The following ABCC1 variants were observed in gnomAD, a reference collection of about 807,000 sequenced individuals.
The protein encoded by ABCC1 is multidrug resistance-associated protein 1.
ABCC1 carries 83 observed loss-of-function variants against 172.9 expected under a neutral mutation model. The observed-to-expected ratio is 0.48, with a 90% CI of 0.40 to 0.58. The LOEUF is 0.58. Among genes scored for constraint, ABCC1 ranks in the 20% least tolerant of loss-of-function variants. The probability of loss-of-function intolerance (pLI) is 0.00; values close to 1 mark genes in which losing one functional copy is unlikely to be tolerated. For synonymous variants in ABCC1, 937 were observed against 825.2 expected (o/e 1.14, Z -2.32); for missense variants, 1,817 against 2,002.7 (o/e 0.91, Z 1.77).
At chr16:16,029,088 C>G (rs993858616) in intron 5 of ABCC1, among the ~76,000 whole-genome samples, 6 of 152,290 alleles carry the variant, frequency 3.9e-5, no homozygotes, top group East Asian at 1.9e-4. Flanking sequence ...ATCACCCCTC[C>G]GAGCCCCAGA....
chr16:16,046,254 T>C (rs955304880), intron 9 of ABCC1, among the ~76,000 whole-genome samples: 1 of 152,194 alleles, frequency 6.6e-6, no homozygotes, highest in African/African-American at 2.4e-5. Flanking sequence ...ATTGAGTTTC[T>C]TAGATGGATC....
chr16:16,057,993 G>A (rs982925642), intron 12 of ABCC1, among the ~76,000 whole-genome samples: 5 of 152,044 alleles, frequency 3.3e-5, no homozygotes, highest in African/African-American at 9.7e-5. Context: ...GATGCGCCCT[G>A]CTGGAATTAC....
intron 19 of ABCC1, among the ~76,000 whole-genome samples, chr16:16,099,755 A>G (rs2051642161): frequency 6.6e-6 from 1 of 152,140 alleles, no homozygotes; most frequent in Non-Finnish European, 1.5e-5. Flanking sequence ...AGGCCCACCA[A>G]GGCTGTAGGA....
intron 1 of ABCC1, among the ~76,000 whole-genome samples, chr16:15,988,513 G>A (rs544368222): frequency 6.6e-6 from 1 of 152,276 alleles, no homozygotes; most frequent in South Asian, 2.1e-4. Context: ...CATGACTAAG[G>A]GATTTATTTG....
chr16:16,111,501 A>G lies in ABCC1; in HGVS notation c.2998A>G (p.Thr1000Ala). 1 of 1,614,136 alleles carries G rather than the reference A, an allele frequency of 6.2e-7. No homozygotes were observed. The highest frequency in any genetic ancestry group is 8.5e-7 in the Non-Finnish European group (1 of 1,180,016). ...TTCCAACTATTGGCTCAGCCTCTGGACTGATGACCCCATCGTCAACGGGAC... is the reference window on the plus strand; with the variant it reads ...TTCCAACTATTGGCTCAGCCTCTGGGCTGATGACCCCATCGTCAACGGGAC... ...LASNYWLSLW[T>A]DDPIVNGTQE... Residue 1000 changes from threonine to alanine, a missense_variant, in exon 22 of 31, where the codon ACT (threonine) becomes GCT (alanine). By Grantham distance (58) the Thr-to-Ala change is moderately conservative. This residue lies in a region of ABCC1 where 1,412 missense variants were observed against 1,600.3 expected (regional missense o/e 0.88). Coordinates refer to ENST00000399410, the MANE Select transcript of ABCC1 (RefSeq NM_004996.4).
intron 17 of ABCC1, among the ~76,000 whole-genome samples, chr16:16,085,406 A>T (rs561927891): frequency 6.6e-6 from 1 of 152,360 alleles, no homozygotes; most frequent in South Asian, 2.1e-4. Context: ...TTTAGTTACA[A>T]GCCAGGGGCT....
chr16:16,074,834 G>T (rs555363447), intron 14 of ABCC1, among the ~76,000 whole-genome samples: 23 of 152,202 alleles, frequency 1.5e-4, no homozygotes, highest in South Asian at 1.5e-3. Flanking sequence ...TTGATGCATG[G>T]AGGAAGTTAT....
intron 6 of ABCC1, among the ~76,000 whole-genome samples, chr16:16,036,049 G>A (rs542609796): frequency 2.6e-5 from 4 of 152,058 alleles, no homozygotes; most frequent in Admixed American, 2.0e-4. Context: ...ACTCTAGACC[G>A]GGAGCTGGAG....
At chr16:16,097,193 A>G (rs929245947) in intron 19 of ABCC1, among the ~76,000 whole-genome samples, 4 of 151,674 alleles carry the variant, frequency 2.6e-5, no homozygotes, top group Non-Finnish European at 4.4e-5. Context: ...GCTCACTGCA[A>G]CCTCCACCTC....
At chr16:15,985,253 A>C (rs904781682) in intron 1 of ABCC1, among the ~76,000 whole-genome samples, 19 of 152,218 alleles carry the variant, frequency 1.2e-4, no homozygotes, top group Admixed American at 2.0e-4. Flanking sequence ...GGCATTAGAA[A>C]TGCCCTGGGA....
At chr16:16,123,922 C>T (rs1230246434) in intron 24 of ABCC1, among the ~76,000 whole-genome samples, 2 of 152,084 alleles carry the variant, frequency 1.3e-5, no homozygotes, top group Non-Finnish European at 2.9e-5. Context: ...CAGGCTGAGG[C>T]AGGAGGATCA....
At chr16:16,123,368 C>T (rs981428296) in intron 24 of ABCC1, among the ~76,000 whole-genome samples, 7 of 151,996 alleles carry the variant, frequency 4.6e-5, no homozygotes, top group Admixed American at 4.6e-4. Context: ...GGCGCGGTGG[C>T]TCACATCTGT....
At chr16:16,138,281 C>G in intron 29 of ABCC1, 83 bp from the exon 30 acceptor site, 1 of 1,363,770 alleles carries the variant, frequency 7.3e-7, no homozygotes, top group South Asian at 1.4e-5. Context: ...TGTCTCCTTT[C>G]GCTTCTCCCA....
At chr16:16,101,472 G>T (rs2051745160) in intron 19 of ABCC1, among the ~76,000 whole-genome samples, 1 of 152,162 alleles carries the variant, frequency 6.6e-6, no homozygotes, top group South Asian at 2.1e-4. Flanking sequence ...TCTCCCTGTG[G>T]CTGTTTCTGC....
chr16:15,949,168 C>T (rs896394674), upstream of ABCC1, among the ~76,000 whole-genome samples: 32 of 152,126 alleles, frequency 2.1e-4, no homozygotes, highest in Non-Finnish European at 1.5e-5. Flanking sequence ...AATCACTCAA[C>T]CTCTCTGCAC....
chr16:16,041,933 C>T (rs941172259), intron 7 of ABCC1, among the ~76,000 whole-genome samples: 12 of 152,052 alleles, frequency 7.9e-5, no homozygotes, highest in Non-Finnish European at 1.3e-4. Context: ...CCTGTCTCTG[C>T]TAAAAATACA....
intron 1 of ABCC1, among the ~76,000 whole-genome samples, chr16:15,951,232 T>C (rs1193065560): frequency 6.6e-6 from 1 of 152,164 alleles, no homozygotes; most frequent in African/African-American, 2.4e-5. Flanking sequence ...TATTTTCTTC[T>C]GAATTGAGGA....
At chr16:15,997,040 A>G (rs919366469) in intron 1 of ABCC1, among the ~76,000 whole-genome samples, 2 of 151,440 alleles carry the variant, frequency 1.3e-5, no homozygotes, top group Non-Finnish European at 2.9e-5. Flanking sequence ...GTGTCCAGCA[A>G]GGAGAAGCCT....
At chr16:16,055,696 G>C (rs1418870663) in intron 11 of ABCC1, among the ~76,000 whole-genome samples, 1 of 151,970 alleles carries the variant, frequency 6.6e-6, no homozygotes. Flanking sequence ...ATTCTAAATT[G>C]AGTATGTTTC....
Sources: allele counts gnomAD v4.1 joint callset (sites outside exome capture counted in the v4.1 genomes callset), GRCh38; gene constraint gnomAD v4.1.1; regional missense constraint gnomAD v4.1.1; transcripts MANE v1.5; gene names NCBI Gene and HGNC (gene_info 2026-07-23, HGNC 2026-07-21).